The following ANK2 variants were observed in gnomAD, a reference collection of about 807,000 sequenced individuals.
The protein encoded by ANK2 is ankyrin-2.
Under a neutral mutation model 360.5 loss-of-function variants are expected in ANK2, and 83 were observed. The ratio of observed to expected loss-of-function variants is 0.23; its 90% CI spans 0.19 to 0.28. The LOEUF is 0.28. Among genes scored for constraint, ANK2 ranks in the 10% least tolerant of loss-of-function variants. The probability of loss-of-function intolerance (pLI) is 1.00; values close to 1 mark genes in which losing one functional copy is unlikely to be tolerated. For synonymous variants in ANK2, 1,740 were observed against 1,759.5 expected (o/e 0.99, Z 0.28); for missense variants, 4,201 against 4,795.7 (o/e 0.88, Z 3.66).
At chr4:113,278,071 G>C in intron 16 of ANK2, 136 bp downstream of exon 16, 1 of 879,834 alleles carries the variant, frequency 1.1e-6, no homozygotes, top group South Asian at 1.4e-5. Flanking sequence ...ACATGGTGGC[G>C]ATGTCTTCCA....
At chr4:112,734,814 C>A in the ANK2 span, among the ~76,000 whole-genome samples, 2 of 152,070 alleles carry the variant, frequency 1.3e-5, no homozygotes, top group South Asian at 4.1e-4. Flanking sequence ...CATTTGTTTC[C>A]ATTTTTACTT....
chr4:113,247,821 C>T (rs1563153733), intron 9 of ANK2, among the ~76,000 whole-genome samples: 1 of 152,112 alleles, frequency 6.6e-6, no homozygotes, highest in Non-Finnish European at 1.5e-5. Context: ...TTTCTCAAAC[C>T]CTAGGTCTCC....
At chr4:112,957,955 C>T (rs908901901) in intron 2 of ANK2, among the ~76,000 whole-genome samples, 17 of 148,938 alleles carry the variant, frequency 1.1e-4, no homozygotes, top group Non-Finnish European at 2.5e-4. Context: ...ACATCCCAGA[C>T]GGGGCGGCGG....
At chr4:112,756,251 GAC>G in the ANK2 span, among the ~76,000 whole-genome samples, 2 of 144,412 alleles carry the variant, frequency 1.4e-5, no homozygotes, top group East Asian at 3.9e-4. Context: ...AAAAAAAAAA[GAC>G]AGAGTCTCAC....
chr4:113,003,905 G>C (rs529019521), intron 2 of ANK2, among the ~76,000 whole-genome samples: 1 of 152,196 alleles, frequency 6.6e-6, no homozygotes, highest in South Asian at 2.1e-4. Context: ...GCATGTTGCT[G>C]TACTGAATAC....
At chr4:113,295,694 A>G (rs922840189) in intron 22 of ANK2, among the ~76,000 whole-genome samples, 1 of 152,208 alleles carries the variant, frequency 6.6e-6, no homozygotes, top group Non-Finnish European at 1.5e-5. Flanking sequence ...AATAGAAAAC[A>G]TAACAGCATT....
chr4:112,947,526 A>G (rs2094622303), intron 2 of ANK2, among the ~76,000 whole-genome samples: 1 of 152,152 alleles, frequency 6.6e-6, no homozygotes, highest in African/African-American at 2.4e-5. Context: ...TATATATAAT[A>G]GAGTTTAGAA....
the ANK2 span, chr4:112,788,891 G>A: frequency 4.4e-6 from 3 of 682,530 alleles, no homozygotes; most frequent in South Asian, 1.7e-5. Flanking sequence ...TGGGCTGCGG[G>A]AGGAGAGAGT....
At chr4:113,051,989 CAG>C (rs1490671721) in intron 1 of ANK2, among the ~76,000 whole-genome samples, 1 of 152,090 alleles carries the variant, frequency 6.6e-6, no homozygotes, top group Non-Finnish European at 1.5e-5. Flanking sequence ...GCAGAAATGA[CAG>C]AATCCAATAT....
chr4:112,730,935 C>T, the ANK2 span, among the ~76,000 whole-genome samples: 12 of 151,098 alleles, frequency 7.9e-5, no homozygotes, highest in Admixed American at 7.9e-4. Flanking sequence ...GTCAAGAGAT[C>T]GAGACCATTC....
intron 2 of ANK2, among the ~76,000 whole-genome samples, chr4:112,992,918 C>G (rs1213449110): frequency 6.6e-6 from 1 of 152,172 alleles, no homozygotes; most frequent in Non-Finnish European, 1.5e-5. Context: ...CAAACCTATT[C>G]AAATGTGTTA....
At chr4:112,752,223 C>T in the ANK2 span, among the ~76,000 whole-genome samples, 1 of 152,218 alleles carries the variant, frequency 6.6e-6, no homozygotes, top group Non-Finnish European at 1.5e-5. Context: ...TGCTCTTTAC[C>T]ATTTGCTTCA....
chr4:113,138,642 G>A (rs1413319022), intron 1 of ANK2, among the ~76,000 whole-genome samples: 1 of 152,034 alleles, frequency 6.6e-6, no homozygotes, highest in Non-Finnish European at 1.5e-5. Context: ...AGGGAAAGTA[G>A]GATTTTAAAA....
rs752903781 is a variant in ANK2 at position 113,274,646 on chromosome 4, C to T, written c.1680C>T (p.Thr560=). The change falls in exon 15 of 46, where the codon ACC becomes ACT. Residue 560 remains threonine (T), a synonymous_variant. Coordinates refer to ENST00000357077, the MANE Select transcript of ANK2 (RefSeq NM_001148.6). ...CAGGAGCAGCCCACTCCTTAGCTAC[C>T]AAGGTAAGGAGAATGACATCATGAG... ...LEAGAAHSLA[T]KKGFTPLHVA... The T allele has an allele frequency of 4.1e-5, 66 of 1,613,700 alleles. No homozygotes were observed. The highest frequency in any genetic ancestry group is 3.4e-4 in the South Asian group (31 of 91,062).
chr4:113,040,129 T>A (rs2062598606), intron 2 of ANK2, among the ~76,000 whole-genome samples: 1 of 151,988 alleles, frequency 6.6e-6, no homozygotes, highest in South Asian at 2.1e-4. Flanking sequence ...AGAACTAATA[T>A]CACTAGAGAC....
the ANK2 span, among the ~76,000 whole-genome samples, chr4:112,707,421 A>G: frequency 6.6e-6 from 1 of 152,180 alleles, no homozygotes; most frequent in Non-Finnish European, 1.5e-5. Flanking sequence ...GTCCCAGAGA[A>G]ATTGTTAGGG....
intron 2 of ANK2, among the ~76,000 whole-genome samples, chr4:113,182,027 G>A (rs758459709): frequency 1.2e-4 from 19 of 152,138 alleles, no homozygotes; most frequent in Non-Finnish European, 8.8e-5. Context: ...ACACTTTTGT[G>A]ATACTTTAGG....
At chr4:113,184,813 C>A (rs929140221) in intron 2 of ANK2, among the ~76,000 whole-genome samples, 2 of 151,990 alleles carry the variant, frequency 1.3e-5, no homozygotes, top group Non-Finnish European at 1.5e-5. Context: ...CACCCATCAA[C>A]CCATCATCTA....
chr4:113,060,716 A>G (rs1285390209), intron 1 of ANK2, among the ~76,000 whole-genome samples: 2 of 149,634 alleles, frequency 1.3e-5, no homozygotes, highest in Admixed American at 1.3e-4. Flanking sequence ...AATACGGTTT[A>G]AAACAGAAGT....
Sources: gnomAD v4.1 joint callset for allele counts (sites outside exome capture counted in the v4.1 genomes callset) on GRCh38, gnomAD v4.1.1 for gene constraint, MANE v1.5 for transcripts, NCBI Gene and HGNC (gene_info 2026-07-23, HGNC 2026-07-21) for gene names.